DAB1: variants seen among roughly 807,000 people sequenced by gnomAD.
DAB1 encodes DAB adaptor protein 1, also known as disabled homolog 1.
In DAB1, 15 loss-of-function variants were observed where a neutral mutation model predicts 64.6. The ratio of observed to expected loss-of-function variants is 0.23; its 90% confidence interval spans 0.16 to 0.36. DAB1 has a LOEUF of 0.36. Among genes scored for constraint, DAB1 ranks in the 10% least tolerant of loss-of-function variants. The pLI is 1.00. For synonymous variants in DAB1, 235 were observed against 251.9 expected (o/e 0.93, Z 0.64); for missense variants, 596 against 706.7 (o/e 0.84, Z 1.78).
intron 5 of DAB1, among the ~76,000 whole-genome samples, chr1:58,009,980 T>C (rs1458415682): frequency 1.3e-5 from 2 of 152,172 alleles, no homozygotes; most frequent in Non-Finnish European, 2.9e-5. Context: ...GCATTATTAT[T>C]TTCTCTATGT....
At chr1:58,355,999 G>A (rs995184521) in intron 3 of DAB1, among the ~76,000 whole-genome samples, 1 of 152,138 alleles carries the variant, frequency 6.6e-6, no homozygotes, top group African/African-American at 2.4e-5. Context: ...GGAGAGGAAG[G>A]AAAAACCACA....
chr1:58,394,469 G>A (rs1011376817), intron 3 of DAB1, among the ~76,000 whole-genome samples: 2 of 152,146 alleles, frequency 1.3e-5, no homozygotes, highest in African/African-American at 4.8e-5. Flanking sequence ...CAATCCAAAT[G>A]TCCATTACCT....
intron 5 of DAB1, among the ~76,000 whole-genome samples, chr1:57,914,495 A>G (rs890725097): frequency 2.0e-5 from 3 of 152,126 alleles, no homozygotes; most frequent in African/African-American, 7.2e-5. Context: ...TGGGTGCAGC[A>G]CACCAACATG....
At chr1:58,435,054 C>T (rs552830612) in intron 3 of DAB1, among the ~76,000 whole-genome samples, 1 of 152,194 alleles carries the variant, frequency 6.6e-6, no homozygotes, top group East Asian at 1.9e-4. Flanking sequence ...GGACTTGCAT[C>T]TTTGAGAGTC....
downstream of DAB1, chr1:57,825,962 T>C (rs1652332010): frequency 1.3e-5 from 2 of 152,320 alleles, no homozygotes; most frequent in Non-Finnish European, 2.9e-5. Flanking sequence ...TGTTGAATTA[T>C]ACAAGGTAGC....
intron 5 of DAB1, among the ~76,000 whole-genome samples, chr1:57,994,755 A>T (rs1309183684): frequency 6.6e-6 from 1 of 152,178 alleles, no homozygotes; most frequent in African/African-American, 2.4e-5. Flanking sequence ...AGAATAGATG[A>T]GCATACACCT....
chr1:57,060,439 C>T (rs771834267), intron 9 of DAB1, among the ~76,000 whole-genome samples: 27 of 152,236 alleles, frequency 1.8e-4, no homozygotes, highest in African/African-American at 2.9e-4. Context: ...CCTGAGCCAC[C>T]GCCCCTGGCC....
chr1:57,304,679 A>G (rs547370329), intron 1 of DAB1, among the ~76,000 whole-genome samples: 33 of 152,276 alleles, frequency 2.2e-4, no homozygotes, highest in Admixed American at 1.0e-3. Flanking sequence ...TGTTCATTAC[A>G]TATTGTTTGC....
intron 1 of DAB1, among the ~76,000 whole-genome samples, chr1:58,542,800 G>A (rs60726128): frequency 0.15 from 22,999 of 152,048 alleles, 1,817 homozygotes; most frequent in Middle Eastern, 0.23. Flanking sequence ...AGGCTTAGAC[G>A]GCCACATTCA....
chr1:57,600,699 G>A (rs1047803850), intron 7 of DAB1, among the ~76,000 whole-genome samples: 1 of 152,122 alleles, frequency 6.6e-6, no homozygotes, highest in East Asian at 1.9e-4. Context: ...CATAAGCATT[G>A]TCATGTAATG....
At chr1:58,006,624 C>T (rs1347339109) in intron 5 of DAB1, among the ~76,000 whole-genome samples, 1 of 152,134 alleles carries the variant, frequency 6.6e-6, no homozygotes, top group Non-Finnish European at 1.5e-5. Flanking sequence ...TATGCTGACT[C>T]AGAGCCAGAA....
At chr1:58,516,668 G>T (rs138732619) in intron 2 of DAB1, among the ~76,000 whole-genome samples, 1 of 152,160 alleles carries the variant, frequency 6.6e-6, no homozygotes. Flanking sequence ...TTTGAAAGAG[G>T]CTTCATGAGT....
At chr1:57,720,197 C>A (rs1469382606) in intron 6 of DAB1, among the ~76,000 whole-genome samples, 1 of 152,158 alleles carries the variant, frequency 6.6e-6, no homozygotes, top group Non-Finnish European at 1.5e-5. Flanking sequence ...CTGCACACTC[C>A]GATGCACTGC....
At chr1:58,369,551 T>A (rs1644246443) in intron 3 of DAB1, among the ~76,000 whole-genome samples, 1 of 152,234 alleles carries the variant, frequency 6.6e-6, no homozygotes, top group Admixed American at 6.5e-5. Flanking sequence ...AAACTTCCAA[T>A]GTTATTCAGA....
intron 2 of DAB1, among the ~76,000 whole-genome samples, chr1:57,192,127 G>A (rs1173350544): frequency 6.6e-6 from 1 of 152,028 alleles, no homozygotes; most frequent in Non-Finnish European, 1.5e-5. Context: ...GACTAGCCTT[G>A]CCAACATGGT....
intron 4 of DAB1, among the ~76,000 whole-genome samples, chr1:58,200,355 T>C (rs1188748229): frequency 1.3e-5 from 2 of 152,216 alleles, no homozygotes; most frequent in Non-Finnish European, 2.9e-5. Context: ...TGCCATTCCT[T>C]TGTCCACCCA....
At chr1:57,973,038 G>A (rs963429414) in intron 5 of DAB1, among the ~76,000 whole-genome samples, 1 of 152,168 alleles carries the variant, frequency 6.6e-6, no homozygotes, top group Non-Finnish European at 1.5e-5. Flanking sequence ...CTTTATAGAT[G>A]TGATTAAGTA....
At chr1:58,284,901 C>G (rs1661647979) in intron 4 of DAB1, among the ~76,000 whole-genome samples, 1 of 152,202 alleles carries the variant, frequency 6.6e-6, no homozygotes, top group Admixed American at 6.5e-5. Flanking sequence ...AGCCTAACTC[C>G]AGAGCATCTT....
At chr1:58,369,606 C>A (rs541115651) in intron 3 of DAB1, among the ~76,000 whole-genome samples, 1 of 152,296 alleles carries the variant, frequency 6.6e-6, no homozygotes, top group Non-Finnish European at 1.5e-5. Context: ...TAGCCACATG[C>A]CTAGCATGGG....
Sources: gnomAD v4.1 joint callset for allele counts (sites outside exome capture counted in the v4.1 genomes callset) on GRCh38, gnomAD v4.1.1 for gene constraint, MANE v1.5 for transcripts, NCBI Gene and HGNC (gene_info 2026-07-23, HGNC 2026-07-21) for gene names.